The following PLCG1 variants were observed in gnomAD, a reference collection of about 807,000 sequenced individuals.
PLCG1 encodes phospholipase C gamma 1.
PLCG1 carries 71 observed loss-of-function variants against 177.8 expected under a neutral mutation model. That is an observed-to-expected ratio of 0.40 (90% CI 0.33 to 0.49). PLCG1 has a LOEUF of 0.49. Among genes scored for constraint, PLCG1 ranks in the 20% least tolerant of loss-of-function variants. The pLI is 0.72. For synonymous variants in PLCG1, 658 were observed against 647.9 expected, an observed-to-expected ratio of 1.02 and a Z score of -0.24; for missense variants, 1,281 against 1,709.0, an observed-to-expected ratio of 0.75 and a Z score of 4.42.
In PLCG1 at chr20:41,159,573, A is replaced by G. The variant is rs758538908; in HGVS notation, c.218-33A>G. 6.2e-6 allele frequency: 10 copies of G among 1,609,364 alleles called. No homozygotes were observed. The highest frequency in any genetic ancestry group is 5.5e-5 in the South Asian group (5 of 90,700). On this transcript the variant is annotated intron_variant, in intron 1 of 31. Coordinates refer to ENST00000685551, the MANE Select transcript of PLCG1 (RefSeq NM_002660.3). This position sits in a 1 kb window ranked among gnomAD's most constrained non-coding sequence, Gnocchi z 6.0. Reference sequence around the variant, plus strand: ...TTCGGTGTTGACTCTGGGAGACCCCAGCTTGATCTTGGCCTCTTTGCTACC... The same window carrying G: ...TTCGGTGTTGACTCTGGGAGACCCCGGCTTGATCTTGGCCTCTTTGCTACC...
In PLCG1 at chr20:41,153,476, T is replaced by C. The variant is rs562510298; in HGVS notation, c.218-6130T>C. ...TAGCTAAGTTTTTTTAATTTTTATT[T>C]TTTGCAGAGGTGGGGTCTTCCTCTG... On this transcript the variant is annotated intron_variant, in intron 1 of 31. Coordinates refer to ENST00000685551, the MANE Select transcript of PLCG1 (RefSeq NM_002660.3). The surrounding 1 kb of genome is among the most constrained non-coding windows in gnomAD (Gnocchi z 5.1). Among the ~76,000 whole-genome samples, 8 of 152,252 alleles carry C rather than the reference T, an allele frequency of 5.3e-5. No individual in the cohort carries two copies. The South Asian group carries it at 1.7e-3, about 32-fold the overall frequency.
Position 41,167,013 on chromosome 20 carries a change from C to T in PLCG1, c.2301+154C>T. On this transcript the variant is annotated intron_variant, in intron 19 of 31. Coordinates refer to ENST00000685551, the MANE Select transcript of PLCG1 (RefSeq NM_002660.3). This position sits in a 1 kb window ranked among gnomAD's most constrained non-coding sequence, Gnocchi z 4.4. ...CAGCTGGGAGCCACAGTGTGGGTAC[C>T]AGGAGGGTGTCTGCAGGAGGGGACA... 1 of 682,462 alleles carries T rather than the reference C, an allele frequency of 1.5e-6. No homozygotes were observed. The highest frequency in any genetic ancestry group is 2.6e-5 in the East Asian group (1 of 38,210). 42.3% of individuals were successfully genotyped at this position (682,462 alleles called of 1,614,324 possible).
rs2036056623 is a variant in PLCG1 at position 41,176,047 on chromosome 20, C to G, written c.*1538C>G. The G allele has an allele frequency of 6.6e-6, 1 of 152,194 alleles. No homozygotes were observed. 9.4% of individuals were successfully genotyped at this position (152,194 alleles called of 1,614,324 possible). ...GAAACCTCTCCTTTCAAAAATGTTG[C>G]ATTCAGTTCGTTAACACTGCCAGGT... is the stretch of plus-strand genomic sequence containing the variant. On this transcript the variant is annotated 3_prime_UTR_variant, in exon 32 of 32. Coordinates refer to ENST00000685551, the MANE Select transcript of PLCG1 (RefSeq NM_002660.3).
rs551532290 is a variant in PLCG1 at position 41,153,629 on chromosome 20, G to A, written c.218-5977G>A. 2.6e-5 allele frequency among the ~76,000 whole-genome samples: 4 copies of A among 152,178 alleles called. No homozygotes were observed. The highest frequency in any genetic ancestry group is 9.7e-5 in the African/African-American group (4 of 41,440). ...GAAATATTTCAGACAGGGCATGGTT[G>A]CTCATGCTTCTAATCCCAGCACTTT... On this transcript the variant is annotated intron_variant, in intron 1 of 31. Transcript: ENST00000685551. The surrounding 1 kb of genome is among the most constrained non-coding windows in gnomAD (Gnocchi z 5.1).
In PLCG1 at chr20:41,176,873, C is replaced by G. The variant is rs935329343; in HGVS notation, c.*2364C>G. The G allele has an allele frequency of 6.6e-5, 10 of 152,260 alleles. No homozygotes were observed. In the East Asian group the frequency reaches 1.9e-3, roughly 29 times the overall value. 9.4% of individuals were successfully genotyped at this position (152,260 alleles called of 1,614,324 possible). A position where few individuals can be genotyped will look rare whatever the true frequency, so the allele number is the denominator to read the frequency against. On this transcript the variant is annotated 3_prime_UTR_variant, in exon 32 of 32. Coordinates refer to ENST00000685551, the MANE Select transcript of PLCG1 (RefSeq NM_002660.3). Reference sequence around the variant, plus strand: ...GCTTTGGCATCAGGAGTTGTTTGCCCCATCCCATGCATGCAGGCCGTGTCC... The same window carrying G: ...GCTTTGGCATCAGGAGTTGTTTGCCGCATCCCATGCATGCAGGCCGTGTCC...
rs934567990 is a variant in PLCG1 at position 41,176,449 on chromosome 20, AGAAG to A, written c.*1945_*1948del. On this transcript the variant is annotated 3_prime_UTR_variant, in exon 32 of 32. Coordinates refer to ENST00000685551, the MANE Select transcript of PLCG1 (RefSeq NM_002660.3). ...CCTGGAGAGAAAGGTTTCCTATCAGAGAAGGAAGAGGACTGTGTAGGCCCTTCTG... is the reference window on the plus strand; with the variant it reads ...CCTGGAGAGAAAGGTTTCCTATCAGAGAAGAGGACTGTGTAGGCCCTTCTG... 1 of 152,162 alleles carries A rather than the reference AGAAG, an allele frequency of 6.6e-6. No homozygotes were observed. Among genetic ancestry groups the A allele is most frequent in the Non-Finnish European group, 1.5e-5 (1 of 68,036 alleles). 9.4% of individuals were successfully genotyped at this position (152,162 alleles called of 1,614,324 possible). A position where few individuals can be genotyped will look rare whatever the true frequency, so the allele number is the denominator to read the frequency against.
rs779025156 is a variant in PLCG1 at position 41,163,170 on chromosome 20, C to T, written c.717-33C>T. The T allele has an allele frequency of 3.2e-6, 5 of 1,550,174 alleles. No homozygotes were observed. The highest frequency in any genetic ancestry group is 4.4e-6 in the Non-Finnish European group (5 of 1,146,886). On this transcript the variant is annotated intron_variant, in intron 7 of 31. Transcript: ENST00000685551. This position sits in a 1 kb window ranked among gnomAD's most constrained non-coding sequence, Gnocchi z 5.2. ...CGTGGGGCACCTTGTTGTCTGTTGA[C>T]CATACTAGCTAGCTTACCTTCTCTC...
At chr20:41,152,549 C>T (rs2035198385) in intron 1 of PLCG1, among the ~76,000 whole-genome samples, 1 of 152,222 alleles carries the variant, frequency 6.6e-6, no homozygotes, top group African/African-American at 2.4e-5. Context: ...GGAAGCCATC[C>T]TTGATACCAT....
rs1241548775 is a variant in PLCG1 at position 41,147,071 on chromosome 20, C to T, written c.217+9213C>T. 1.3e-5 allele frequency among the ~76,000 whole-genome samples: 2 copies of T among 152,174 alleles called. No homozygotes were observed. The highest frequency in any genetic ancestry group is 2.9e-5 in the Non-Finnish European group (2 of 68,036). The stretch of plus-strand genomic sequence containing the variant: ...AGGCACTGAAGACCCACTTTATGGT[C>T]ACCCTATTCTGCCTGATAGTCCACC... On this transcript the variant is annotated intron_variant, in intron 1 of 31. Coordinates refer to ENST00000685551, the MANE Select transcript of PLCG1 (RefSeq NM_002660.3). This position sits in a 1 kb window ranked among gnomAD's most constrained non-coding sequence, Gnocchi z 4.0.
In PLCG1 at chr20:41,153,597, C is replaced by A. The variant is rs1002375513; in HGVS notation, c.218-6009C>A. ...GCACTTTATAAAGGGAAAACCCTCT[C>A]TGAAGAGAAATATTTCAGACAGGGC... is the stretch of plus-strand genomic sequence containing the variant. On this transcript the variant is annotated intron_variant, in intron 1 of 31. Transcript: ENST00000685551. The surrounding 1 kb of genome is among the most constrained non-coding windows in gnomAD (Gnocchi z 5.1). Among the ~76,000 whole-genome samples the A allele has an allele frequency of 3.9e-5, 6 of 152,190 alleles. No individual in the cohort carries two copies. The highest frequency in any genetic ancestry group is 1.4e-4 in the African/African-American group (6 of 41,440).
At position 41,162,801 on chromosome 20, in the gene PLCG1, CCCT is replaced by C. The variant is rs2035555913; in HGVS notation, c.681+77_681+79del. 14 of 1,386,538 alleles carry C rather than the reference CCCT, an allele frequency of 1.0e-5. No individual in the cohort carries two copies. In the South Asian group the frequency reaches 1.7e-4, roughly 17 times the overall value. 85.9% of individuals were successfully genotyped at this position (1,386,538 alleles called of 1,614,324 possible). A position where few individuals can be genotyped will look rare whatever the true frequency, so the allele number is the denominator to read the frequency against. On this transcript the variant is annotated intron_variant, in intron 6 of 31. Transcript: ENST00000685551. ...CACACCCCAGCTCTGCCTGCCTCAG[CCCT>C]GCTGCCCTGCTTAGGGGCTTTTGGG...
Position 41,174,164 on chromosome 20 carries a change from T to C in PLCG1, c.3686T>C (p.Leu1229Pro). The change falls in exon 31 of 32, where the codon CTG becomes CCG. Residue 1229 changes from leucine to proline, a missense_variant. Leu to Pro is a moderately conservative substitution (Grantham distance 98). This residue lies in a region of PLCG1 where 153 missense variants were observed against 153.2 expected (regional missense o/e 1.00). Transcript: ENST00000685551. The surrounding 1 kb of genome is among the most constrained non-coding windows in gnomAD (Gnocchi z 5.8). ...CTCAGTCCCTTCAGTGGTACGTCCC[T>C]GCGGGAGCGGGGCTCAGATGCCTCA... ...GDLSPFSGTS[L>P]RERGSDASGQ... 2.5e-6 allele frequency: 4 copies of C among 1,614,140 alleles called. No homozygotes were observed. Among genetic ancestry groups the C allele is most frequent in the Non-Finnish European group, 2.5e-6 (3 of 1,179,980 alleles).
In PLCG1 at chr20:41,163,772, G is replaced by A. The variant is rs375313716; in HGVS notation, c.949G>A (p.Val317Ile). ...NSVWNSQLDA[V>I]CPDTMNNPLS... ...TGTGTGGAACTCGCAGCTGGATGCA[G>A]TATGCCCGGACACCATGAACAACCC... Residue 317 changes from valine (V) to isoleucine (I), a missense_variant, in exon 10 of 32, where the codon GTA becomes ATA. By Grantham distance (29) the Val-to-Ile change is conservative. Coordinates refer to ENST00000685551, the MANE Select transcript of PLCG1 (RefSeq NM_002660.3). The surrounding 1 kb of genome is among the most constrained non-coding windows in gnomAD (Gnocchi z 5.2). 6 of 1,613,310 alleles carry A rather than the reference G, an allele frequency of 3.7e-6. No homozygotes were observed. The highest frequency in any genetic ancestry group is 5.1e-6 in the Non-Finnish European group (6 of 1,179,648).
At position 41,150,529 on chromosome 20, in the gene PLCG1, G is replaced by C. The variant is rs2035133953; in HGVS notation, c.218-9077G>C. On this transcript the variant is annotated intron_variant, in intron 1 of 31. Transcript: ENST00000685551. This position sits in a 1 kb window ranked among gnomAD's most constrained non-coding sequence, Gnocchi z 4.0. The stretch of plus-strand genomic sequence containing the variant: ...GCAGCATCAGTCTGCAAGGGAGGCA[G>C]AGTTTGGAGCACACTAGACTCCTGA... 6.6e-6 allele frequency among the ~76,000 whole-genome samples: 1 copy of C among 152,138 alleles called. No individual in the cohort carries two copies. The highest frequency in any genetic ancestry group is 1.5e-5 in the Non-Finnish European group (1 of 68,012).
rs2146016748 is a variant in PLCG1 at position 41,151,582 on chromosome 20, A to G, written c.218-8024A>G. On this transcript the variant is annotated intron_variant, in intron 1 of 31. Coordinates refer to ENST00000685551, the MANE Select transcript of PLCG1 (RefSeq NM_002660.3). The surrounding 1 kb of genome is among the most constrained non-coding windows in gnomAD (Gnocchi z 5.5). Reference sequence around the variant, plus strand: ...TTGACCTTCCTTTGGTGGCAGCCAGATGTGCTCAGGGAAACCTCAGATTTG... The same window carrying G: ...TTGACCTTCCTTTGGTGGCAGCCAGGTGTGCTCAGGGAAACCTCAGATTTG... Among the ~76,000 whole-genome samples, 1 of 152,270 alleles carries G rather than the reference A, an allele frequency of 6.6e-6. No homozygotes were observed. Among genetic ancestry groups the G allele is most frequent in the East Asian group, 1.9e-4 (1 of 5,182 alleles).
intron 1 of PLCG1, among the ~76,000 whole-genome samples, chr20:41,140,261 T>C (rs559017505): frequency 6.6e-6 from 1 of 152,336 alleles, no homozygotes; most frequent in South Asian, 2.1e-4. Flanking sequence ...GTCTGGTCGA[T>C]GCTTGTGTGT....
intron 24 of PLCG1, chr20:41,170,679 A>G (rs1026479023): frequency 5.9e-6 from 1 of 170,306 alleles, no homozygotes; most frequent in African/African-American, 2.4e-5. Context: ...AAAGGAGCCC[A>G]GGAAAGGCAG....
intron 24 of PLCG1, chr20:41,170,931 G>A: frequency 6.6e-6 from 1 of 152,494 alleles, no homozygotes; most frequent in Non-Finnish European, 1.5e-5. Context: ...GAGAGAACAG[G>A]TGACTGGGGT....
In PLCG1 at chr20:41,174,546, T is replaced by C. The variant is rs1319283160; in HGVS notation, c.*37T>C. 1 of 1,560,358 alleles carries C rather than the reference T, an allele frequency of 6.4e-7. No individual in the cohort carries two copies. Among genetic ancestry groups the C allele is most frequent in the African/African-American group, 1.4e-5 (1 of 73,704 alleles). On this transcript the variant is annotated 3_prime_UTR_variant, in exon 32 of 32. Transcript: ENST00000685551. This position sits in a 1 kb window ranked among gnomAD's most constrained non-coding sequence, Gnocchi z 5.8. ...CCTCGTTGGAGAGCAGCAGGTGCTG[T>C]GCGCCTTGTAGAATGCCGCGAACTG... is the stretch of plus-strand genomic sequence containing the variant.
Sources: gnomAD v4.1 joint callset for allele counts (sites outside exome capture counted in the v4.1 genomes callset) on GRCh38, gnomAD v4.1.1 for gene constraint, gnomAD v4.1.1 regional missense constraint, Gnocchi (gnomAD v3.1) non-coding constraint, MANE v1.5 for transcripts, NCBI Gene and HGNC (gene_info 2026-07-23, HGNC 2026-07-21) for gene names.